The following CCDC81 variants were observed in gnomAD, a reference collection of about 807,000 sequenced individuals.
CCDC81 encodes the protein coiled-coil domain containing 81, also known as coiled-coil domain-containing protein 81.
Under a neutral mutation model 83.7 loss-of-function variants are expected in CCDC81, and 79 were observed. The ratio of observed to expected loss-of-function variants is 0.94; its 90% CI spans 0.79 to 1.14. The LOEUF (loss-of-function observed/expected upper bound fraction) is 1.14. Among genes scored for constraint, CCDC81 ranks in the 50% most tolerant of loss-of-function variants. CCDC81 has a pLI of 0.00. For synonymous variants in CCDC81, 252 were observed against 278.1 expected (o/e 0.91, Z 0.93); for missense variants, 791 against 778.1 (o/e 1.02, Z -0.20).
chr11:86,408,280 C>T lies in CCDC81; in HGVS notation c.1113+10C>T. On this transcript the variant is annotated intron_variant, in intron 9 of 14. Coordinates refer to ENST00000445632, the MANE Select transcript of CCDC81 (RefSeq NM_001156474.2). ...TCTCTTCAGACACCAGGTAGTCCAA[C>T]ACCTCGATTAGTCTTTAATATGGGG... The T allele has an allele frequency of 6.2e-7, 1 of 1,603,750 alleles. No homozygotes were observed. The highest frequency in any genetic ancestry group is 8.5e-7 in the Non-Finnish European group (1 of 1,176,164).
chr11:86,384,592 C>T (rs1593909741), intron 1 of CCDC81, among the ~76,000 whole-genome samples: 1 of 152,130 alleles, frequency 6.6e-6, no homozygotes, highest in African/African-American at 2.4e-5. Flanking sequence ...TTGCACTCTC[C>T]GTGTTTTAGC....
intron 7 of CCDC81, among the ~76,000 whole-genome samples, chr11:86,405,857 C>T (rs1459872479): frequency 4.0e-5 from 6 of 151,436 alleles, no homozygotes; most frequent in South Asian, 4.2e-4. Flanking sequence ...CCGCCTCCCA[C>T]GCTCAACCAA....
intron 3 of CCDC81, among the ~76,000 whole-genome samples, chr11:86,389,855 C>T (rs1948299051): frequency 6.6e-6 from 1 of 152,146 alleles, no homozygotes; most frequent in East Asian, 1.9e-4. Flanking sequence ...CCTGTAATCC[C>T]AGCACTTTCG....
intron 14 of CCDC81, 25 bp downstream of exon 14, chr11:86,420,078 A>G: frequency 6.2e-7 from 1 of 1,606,342 alleles, no homozygotes; most frequent in Non-Finnish European, 8.5e-7. Context: ...GAACCCCAAA[A>G]TTCTCCTGCT....
chr11:86,387,415 C>T, intron 2 of CCDC81, 101 bp from the exon 3 acceptor site: 1 of 1,161,466 alleles, frequency 8.6e-7, no homozygotes, highest in South Asian at 1.4e-5. Context: ...TTTTTAAGGC[C>T]TAAGCTTACT....
chr11:86,409,925 T>A (rs539609841), intron 10 of CCDC81, among the ~76,000 whole-genome samples: 35 of 152,132 alleles, frequency 2.3e-4, no homozygotes, highest in Non-Finnish European at 4.7e-4. Context: ...GGACGTGGGA[T>A]GGGTGGAGAG....
At chr11:86,409,403 C>G (rs200402208) in intron 10 of CCDC81, 38 bp downstream of exon 10, 3 of 1,042,962 alleles carry the variant, frequency 2.9e-6, no homozygotes, top group Non-Finnish European at 4.2e-6. Flanking sequence ...AACACCTGGC[C>G]CATCTGTGAG....
intron 12 of CCDC81, 108 bp from the exon 13 acceptor site, chr11:86,414,985 C>G: frequency 1.4e-6 from 2 of 1,428,038 alleles, no homozygotes; most frequent in Non-Finnish European, 1.9e-6. Flanking sequence ...TTTTTGTGCC[C>G]CGCATTCCTT....
intron 1 of CCDC81, among the ~76,000 whole-genome samples, chr11:86,378,060 C>T (rs1948123245): frequency 7.8e-6 from 1 of 128,410 alleles, no homozygotes; most frequent in Non-Finnish European, 1.6e-5. Context: ...ATTGCCTTTG[C>T]CTCTTTGTCA....
At position 86,419,922 on chromosome 11, in the gene CCDC81, C is replaced by T. The variant is rs1039280703; in HGVS notation, c.1692-6C>T. The T allele has an allele frequency of 1.2e-6, 2 of 1,610,410 alleles. No homozygotes were observed. Among genetic ancestry groups the T allele is most frequent in the Non-Finnish European group, 1.7e-6 (2 of 1,178,594 alleles). On this transcript the variant is annotated splice_polypyrimidine_tract_variant and splice_region_variant and intron_variant, in intron 13 of 14. Coordinates refer to ENST00000445632, the MANE Select transcript of CCDC81 (RefSeq NM_001156474.2). ...TTATGGAGCCAGGCTGTTCTTTTCT[C>T]TCCAGGCACTTGGCAGACAGAACCG...
intron 7 of CCDC81, among the ~76,000 whole-genome samples, chr11:86,404,982 T>C (rs1948544621): frequency 6.6e-6 from 1 of 152,202 alleles, no homozygotes; most frequent in South Asian, 2.1e-4. Flanking sequence ...TTACAGTAAT[T>C]GTTTTATGTA....
chr11:86,395,412 A>AGGTGAGTGCTTTGCTTCACG lies in CCDC81; in HGVS notation c.635+3_635+22dup. 6.2e-7 allele frequency: 1 copy of AGGTGAGTGCTTTGCTTCACG among 1,613,704 alleles called. No individual in the cohort carries two copies. Among genetic ancestry groups the AGGTGAGTGCTTTGCTTCACG allele is most frequent in the Non-Finnish European group, 8.5e-7 (1 of 1,179,736 alleles). On this transcript the variant is annotated stop_gained and frameshift_variant and splice_region_variant, in exon 5 of 15. Transcript: ENST00000445632. LOFTEE classifies it high-confidence loss of function. Reference sequence around the variant, plus strand: ...GCCCAGCAGTGTGCTTGCGTTTCCAAGGTGAGTGCTTTGCTTCACGGGTTC... The same window carrying AGGTGAGTGCTTTGCTTCACG: ...GCCCAGCAGTGTGCTTGCGTTTCCAAGGTGAGTGCTTTGCTTCACGGGTGAGTGCTTTGCTTCACGGGTTC...
intron 1 of CCDC81, among the ~76,000 whole-genome samples, chr11:86,383,427 T>C (rs2138494422): frequency 6.6e-6 from 1 of 152,354 alleles, no homozygotes; most frequent in East Asian, 1.9e-4. Flanking sequence ...AGAACAGGCA[T>C]GTAGGATTTT....
In CCDC81 at chr11:86,422,663, G is replaced by A; in HGVS notation, c.1907G>A (p.Ser636Asn). ...AGGCGCACCTCCAACGTGGGCGAGA[G>A]CAACCTGTGGCCCCTGAACAAGTTC... The part of the protein sequence containing the change: ...CQRRTSNVGE[S>N]NLWPLNKFLP... The change falls in exon 15 of 15, where the codon AGC (serine) becomes AAC (asparagine). Residue 636 changes from serine (S) to asparagine (N), a missense_variant. Transcript: ENST00000445632. 6.2e-7 allele frequency: 1 copy of A among 1,614,176 alleles called. No homozygotes were observed. The highest frequency in any genetic ancestry group is 1.1e-5 in the South Asian group (1 of 91,088).
intron 1 of CCDC81, 113 bp from the exon 2 acceptor site, chr11:86,385,938 T>C: frequency 2.3e-6 from 1 of 443,484 alleles, no homozygotes; most frequent in Non-Finnish European, 4.2e-6. Context: ...AATCAGGAAT[T>C]AATGTCATTT....
At chr11:86,420,179 C>T (rs1444740035) in intron 14 of CCDC81, 126 bp downstream of exon 14, 27 of 1,088,956 alleles carry the variant, frequency 2.5e-5, no homozygotes, top group Middle Eastern at 6.2e-4. Context: ...AGTCTGTATT[C>T]CATGGGAAAT....
At chr11:86,386,712 T>G (rs552155541) in intron 2 of CCDC81, among the ~76,000 whole-genome samples, 41 of 152,320 alleles carry the variant, frequency 2.7e-4, no homozygotes, top group Non-Finnish European at 1.2e-4. Context: ...ATTTATTTTG[T>G]TTTGTTTGAG....
At chr11:86,381,865 T>C (rs928487761) in intron 1 of CCDC81, among the ~76,000 whole-genome samples, 2 of 151,774 alleles carry the variant, frequency 1.3e-5, no homozygotes, top group African/African-American at 4.8e-5. Context: ...TTGAGCTGAG[T>C]TGTGAAGAAT....
intron 14 of CCDC81, among the ~76,000 whole-genome samples, 170 bp from the exon 15 acceptor site, chr11:86,422,404 C>T (rs1948804785): frequency 6.6e-6 from 1 of 152,114 alleles, no homozygotes; most frequent in South Asian, 2.1e-4. Flanking sequence ...AACGACAAGC[C>T]AGCAGAAGTC....
Sources: gnomAD v4.1 joint callset for allele counts (sites outside exome capture counted in the v4.1 genomes callset) on GRCh38, gnomAD v4.1.1 for gene constraint, MANE v1.5 for transcripts, NCBI Gene and HGNC (gene_info 2026-07-23, HGNC 2026-07-21) for gene names.